Variants in ANKFY1 observed in about 807,000 individuals in gnomAD.
The protein encoded by ANKFY1 is ankyrin repeat and FYVE domain containing 1, also known as ankyrin repeat and FYVE domain-containing protein 1.
A neutral mutation model predicts 128.3 loss-of-function variants in ANKFY1; 47 were observed. The observed-to-expected ratio is 0.37, with a 90% confidence interval of 0.29 to 0.47. The LOEUF is 0.47. Ranked by LOEUF, ANKFY1 falls within the 20% of genes least tolerant of loss-of-function variation. The pLI, the probability that ANKFY1 is intolerant of heterozygous loss-of-function variation, is 1.00. For synonymous variants in ANKFY1, 553 were observed against 601.6 expected (o/e 0.92, Z 1.18); for missense variants, 1,222 against 1,510.6 (o/e 0.81, Z 3.17).
Position 4,182,169 on chromosome 17 carries a change from T to G in ANKFY1, c.2121+12A>C. 6.7e-7 allele frequency: 1 copy of G among 1,484,870 alleles called. No individual in the cohort carries two copies. Among genetic ancestry groups the G allele is most frequent in the Non-Finnish European group, 9.1e-7 (1 of 1,102,460 alleles). The allele number at this position is 1,484,870 out of a possible 1,614,324, so 92.0% of individuals were successfully genotyped here. On this transcript the variant is annotated intron_variant, in intron 15 of 24. Coordinates refer to ENST00000341657, the MANE Select transcript of ANKFY1 (RefSeq NM_001330063.2). ...CATCTGTAAACAGAGGCTAACGTTG[T>G]GCCTGTCTCACCAGAGTGGATGCGA...
intron 1 of ANKFY1, among the ~76,000 whole-genome samples, chr17:4,254,873 A>G (rs1436851907): frequency 6.6e-6 from 1 of 152,160 alleles, no homozygotes; most frequent in Non-Finnish European, 1.5e-5. Context: ...GATTCTAACT[A>G]TATTGAAAAA....
intron 12 of ANKFY1, among the ~76,000 whole-genome samples, chr17:4,184,365 AT>A: frequency 6.6e-6 from 1 of 152,346 alleles, no homozygotes; most frequent in South Asian, 2.1e-4. Flanking sequence ...CAAGAGCAAA[AT>A]AAACCTCAGG....
chr17:4,237,985 C>T (rs1407457242), intron 2 of ANKFY1, among the ~76,000 whole-genome samples: 2 of 151,984 alleles, frequency 1.3e-5, no homozygotes, highest in African/African-American at 4.8e-5. Context: ...AATGACTACA[C>T]ATAGCCATCG....
At chr17:4,180,582 TG>T (rs1413127425) in intron 16 of ANKFY1, 3 of 150,168 alleles carry the variant, frequency 2.0e-5, no homozygotes, top group Non-Finnish European at 4.4e-5. Flanking sequence ...GCTAACATGG[TG>T]AAACCCCGTC....
chr17:4,183,060 T>C (rs1005581561), intron 14 of ANKFY1, among the ~76,000 whole-genome samples: 1 of 152,196 alleles, frequency 6.6e-6, no homozygotes, highest in Non-Finnish European at 1.5e-5. Context: ...GAGCCGAGAT[T>C]GTGCCACTGC....
chr17:4,216,207 G>A (rs984151738), intron 4 of ANKFY1, among the ~76,000 whole-genome samples: 1 of 152,186 alleles, frequency 6.6e-6, no homozygotes, highest in African/African-American at 2.4e-5. Context: ...GGAAAACACA[G>A]CAATAGGTGG....
chr17:4,183,480 TC>T lies in ANKFY1; in HGVS notation c.1869del (p.Thr624ArgfsTer25). 1 of 1,613,570 alleles carries T rather than the reference TC, an allele frequency of 6.2e-7. No individual in the cohort carries two copies. Among genetic ancestry groups the T allele is most frequent in the Non-Finnish European group, 8.5e-7 (1 of 1,180,022 alleles). ...CGCTGTATGGCCATGTGCAGTAGCG[TC>T]TGCCCATCCGACATGGTGTCATTGA... ...AAINDTMSDG[Q>X]TLLHMAIQRQ... On this transcript the variant is annotated frameshift_variant, in exon 14 of 25. Coordinates refer to ENST00000341657, the MANE Select transcript of ANKFY1 (RefSeq NM_001330063.2). LOFTEE classifies it high-confidence loss of function.
intron 21 of ANKFY1, among the ~76,000 whole-genome samples, chr17:4,173,065 T>A (rs531957041): frequency 1.1e-4 from 16 of 152,284 alleles, no homozygotes; most frequent in African/African-American, 3.8e-4. Flanking sequence ...ACCAAGTTAG[T>A]CAGGACGGTC....
chr17:4,177,113 CTG>C lies in ANKFY1; in HGVS notation c.2775+11_2775+12del. 11 of 1,572,602 alleles carry C rather than the reference CTG, an allele frequency of 7.0e-6. No homozygotes were observed. The highest frequency in any genetic ancestry group is 9.5e-6 in the Non-Finnish European group (11 of 1,158,666). On this transcript the variant is annotated intron_variant, in intron 19 of 24. Transcript: ENST00000341657. ...CAACATATTATTACATGCAATACTT[CTG>C]TGTCACTTACCAAATTGCGGACAAT... is the stretch of plus-strand genomic sequence containing the variant.
At chr17:4,223,954 T>A in intron 3 of ANKFY1, 1 of 555,594 alleles carries the variant, frequency 1.8e-6, no homozygotes, top group African/African-American at 1.9e-5. Flanking sequence ...TGCTTTAGAA[T>A]CTGAACTTTT....
intron 7 of ANKFY1, among the ~76,000 whole-genome samples, chr17:4,199,565 C>A (rs193266230): frequency 7.9e-5 from 12 of 152,242 alleles, no homozygotes; most frequent in Admixed American, 6.5e-4. Context: ...AAAAAACTAC[C>A]TTGACATGTT....
intron 3 of ANKFY1, among the ~76,000 whole-genome samples, chr17:4,224,819 T>C (rs1004867743): frequency 1.3e-5 from 2 of 152,102 alleles, no homozygotes; most frequent in African/African-American, 2.4e-5. Context: ...ATTTTATTTA[T>C]TTTTACTCTC....
At chr17:4,257,763 C>A (rs1445266626) in intron 1 of ANKFY1, among the ~76,000 whole-genome samples, 1 of 152,216 alleles carries the variant, frequency 6.6e-6, no homozygotes, top group Non-Finnish European at 1.5e-5. Flanking sequence ...AGCTTTAGTT[C>A]TGGCTATTCG....
Position 4,235,265 on chromosome 17 carries a change from C to T in ANKFY1, c.322+507G>A, listed in dbSNP as rs917213125. Reference sequence around the variant, plus strand: ...GGCTGAGGCACGAGAATCACTTGAACCTGGGAGGTGGAGGTTGCAGAGAGC... The same window carrying T: ...GGCTGAGGCACGAGAATCACTTGAATCTGGGAGGTGGAGGTTGCAGAGAGC... On this transcript the variant is annotated intron_variant, in intron 3 of 24. Coordinates refer to ENST00000341657, the MANE Select transcript of ANKFY1 (RefSeq NM_001330063.2). Among the ~76,000 whole-genome samples the T allele has an allele frequency of 3.4e-5, 5 of 148,332 alleles. No homozygotes were observed. The South Asian group carries it at 1.1e-3, about 31-fold the overall frequency.
intron 5 of ANKFY1, among the ~76,000 whole-genome samples, chr17:4,209,203 C>T (rs1306833942): frequency 2.0e-5 from 3 of 152,216 alleles, no homozygotes; most frequent in African/African-American, 7.2e-5. Context: ...GCCTGCTGGC[C>T]GTGGAGCCAC....
At chr17:4,231,937 A>C (rs2060519356) in intron 3 of ANKFY1, among the ~76,000 whole-genome samples, 1 of 144,734 alleles carries the variant, frequency 6.9e-6, no homozygotes, top group African/African-American at 2.6e-5. Flanking sequence ...ATCCTGTTTA[A>C]AAAAAAAAAA....
At chr17:4,251,280 G>A (rs995316335) in intron 1 of ANKFY1, among the ~76,000 whole-genome samples, 16 of 151,916 alleles carry the variant, frequency 1.1e-4, no homozygotes, top group Middle Eastern at 3.2e-3. Context: ...ATATCTAAAC[G>A]TAAGGGTTAA....
chr17:4,218,553 T>A (rs1235025344), intron 3 of ANKFY1, among the ~76,000 whole-genome samples: 2 of 152,200 alleles, frequency 1.3e-5, no homozygotes, highest in African/African-American at 4.8e-5. Flanking sequence ...TCAAGACCAG[T>A]GTGAGCAACA....
At chr17:4,249,878 CTAACCTTCT>C (rs140478329) in intron 1 of ANKFY1, among the ~76,000 whole-genome samples, 7,763 of 152,216 alleles carry the variant, frequency 0.051, 425 homozygotes, top group African/African-American at 0.14. Flanking sequence ...CCTTACCTCC[CTAACCTTCT>C]GAAACTTGGC....
Sources: gnomAD v4.1 joint callset for allele counts (sites outside exome capture counted in the v4.1 genomes callset) on GRCh38, gnomAD v4.1.1 for gene constraint, MANE v1.5 for transcripts, NCBI Gene and HGNC (gene_info 2026-07-23, HGNC 2026-07-21) for gene names.